Variants in EFCAB11 observed in about 807,000 individuals in gnomAD.
EFCAB11 encodes the protein EF-hand calcium-binding domain-containing protein 11.
EFCAB11 carries 14 observed loss-of-function variants against 23.0 expected under a neutral mutation model. The ratio of observed to expected loss-of-function variants is 0.61; its 90% CI spans 0.40 to 0.95. EFCAB11 has a LOEUF of 0.95. Among genes scored for constraint, EFCAB11 ranks in the 40% least tolerant of loss-of-function variants. The pLI is 0.00. For missense variants in EFCAB11, 198 were observed against 195.8 expected (o/e 1.01, Z -0.07); for synonymous variants, 65 against 66.6 (o/e 0.98, Z 0.11).
intron 3 of EFCAB11, among the ~76,000 whole-genome samples, chr14:89,933,259 T>C (rs1488736413): frequency 1.3e-5 from 2 of 152,260 alleles, no homozygotes; most frequent in South Asian, 2.1e-4. Flanking sequence ...TGAGATTGGA[T>C]ACTGTGCTTA....
intron 5 of EFCAB11, among the ~76,000 whole-genome samples, chr14:89,859,948 T>C (rs1471388671): frequency 6.6e-6 from 1 of 152,200 alleles, no homozygotes; most frequent in Non-Finnish European, 1.5e-5. Flanking sequence ...CTCACTTCAT[T>C]GCTGAGGAAC....
chr14:89,954,419 A>T (rs906903221), intron 1 of EFCAB11, 167 bp downstream of exon 1: 2 of 1,536,468 alleles, frequency 1.3e-6, no homozygotes, highest in African/African-American at 2.7e-5. Flanking sequence ...CTGGACGGGG[A>T]GCCAGGAGCC....
At chr14:89,841,401 C>G (rs1347555488) in intron 5 of EFCAB11, among the ~76,000 whole-genome samples, 1 of 151,646 alleles carries the variant, frequency 6.6e-6, no homozygotes, top group African/African-American at 2.4e-5. Flanking sequence ...TTCTCTCTCC[C>G]CTACTGCCTT....
At chr14:89,916,612 T>C (rs1046256234) in intron 5 of EFCAB11, among the ~76,000 whole-genome samples, 1 of 152,204 alleles carries the variant, frequency 6.6e-6, no homozygotes. Flanking sequence ...CATGTAAACT[T>C]TGATCAGATT....
At chr14:89,917,738 C>G (rs1426198647) in intron 5 of EFCAB11, among the ~76,000 whole-genome samples, 2 of 152,182 alleles carry the variant, frequency 1.3e-5, no homozygotes, top group African/African-American at 4.8e-5. Context: ...GGGCTTGGTT[C>G]TGTGACTTCT....
intron 5 of EFCAB11, among the ~76,000 whole-genome samples, chr14:89,916,692 CAG>C (rs1231825597): frequency 6.6e-6 from 1 of 152,182 alleles, no homozygotes; most frequent in Non-Finnish European, 1.5e-5. Context: ...CTCCTGCAAA[CAG>C]AGTTAAATTT....
At chr14:89,952,505 A>G in intron 2 of EFCAB11, 2 of 985,450 alleles carry the variant, frequency 2.0e-6, no homozygotes, top group Admixed American at 6.1e-5. Flanking sequence ...GCCATTTCTA[A>G]GAGTCAGCCC....
At chr14:89,836,875 C>T (rs773029254) in intron 5 of EFCAB11, 22 of 372,010 alleles carry the variant, frequency 5.9e-5, no homozygotes, top group Non-Finnish European at 9.4e-5. Context: ...AAAAATTAGG[C>T]GGCTGTGATG....
chr14:89,905,916 A>G (rs1362178351), intron 5 of EFCAB11, among the ~76,000 whole-genome samples: 3 of 152,178 alleles, frequency 2.0e-5, no homozygotes, highest in Admixed American at 6.6e-5. Context: ...ACAGAAAATC[A>G]TGATATCACT....
chr14:89,813,802 C>A (rs187167009), intron 5 of EFCAB11, among the ~76,000 whole-genome samples: 6 of 152,104 alleles, frequency 3.9e-5, no homozygotes, highest in Non-Finnish European at 8.8e-5. Flanking sequence ...CAAGGAAAAC[C>A]ATTTCACACT....
At chr14:89,828,488 C>T (rs1402948870) in intron 5 of EFCAB11, among the ~76,000 whole-genome samples, 4 of 152,032 alleles carry the variant, frequency 2.6e-5, no homozygotes, top group Admixed American at 2.0e-4. Flanking sequence ...AAACCAAGAC[C>T]CAAAGAGTTC....
intron 4 of EFCAB11, among the ~76,000 whole-genome samples, chr14:89,932,200 G>A (rs905863916): frequency 5.9e-5 from 9 of 152,066 alleles, no homozygotes; most frequent in Non-Finnish European, 1.2e-4. Context: ...AGCAAGAGTT[G>A]ATGAAGAAGC....
chr14:89,915,346 T>C (rs1263100099), intron 5 of EFCAB11, among the ~76,000 whole-genome samples: 1 of 152,232 alleles, frequency 6.6e-6, no homozygotes, highest in Non-Finnish European at 1.5e-5. Flanking sequence ...TTTGGGCATA[T>C]GTTTTCAGTA....
At chr14:89,886,510 T>C (rs1197332060) in intron 5 of EFCAB11, among the ~76,000 whole-genome samples, 1 of 75,406 alleles carries the variant, frequency 1.3e-5, no homozygotes. Context: ...AGAGCGAAAC[T>C]CCGTCTCAAA....
chr14:89,816,367 C>T (rs1348235489), intron 5 of EFCAB11, among the ~76,000 whole-genome samples: 1 of 151,890 alleles, frequency 6.6e-6, no homozygotes. Flanking sequence ...GACAAAGTAC[C>T]AACATTTCCT....
chr14:89,850,570 A>G (rs182966204), intron 5 of EFCAB11, among the ~76,000 whole-genome samples: 22 of 152,334 alleles, frequency 1.4e-4, no homozygotes, highest in Non-Finnish European at 1.5e-5. Context: ...TGGATGAACT[A>G]ATAGATGATT....
At chr14:89,811,570 A>G (rs1466527708) in intron 5 of EFCAB11, among the ~76,000 whole-genome samples, 1 of 152,162 alleles carries the variant, frequency 6.6e-6, no homozygotes, top group Non-Finnish European at 1.5e-5. Flanking sequence ...GGACTTTAAA[A>G]GCAGGAGAGG....
chr14:89,798,139 T>A (rs991031035), intron 5 of EFCAB11, among the ~76,000 whole-genome samples: 5 of 152,264 alleles, frequency 3.3e-5, no homozygotes, highest in African/African-American at 1.2e-4. Context: ...CACTAATCAC[T>A]GTAATAGTTT....
chr14:89,867,707 CAT>C (rs750099634), intron 5 of EFCAB11, among the ~76,000 whole-genome samples: 45 of 152,328 alleles, frequency 3.0e-4, no homozygotes, highest in African/African-American at 9.9e-4. Flanking sequence ...CAGTTATGCA[CAT>C]GTTAGTATGA....
Sources: allele counts gnomAD v4.1 joint callset (sites outside exome capture counted in the v4.1 genomes callset), GRCh38; gene constraint gnomAD v4.1.1; transcripts MANE v1.5; gene names NCBI Gene and HGNC (gene_info 2026-07-23, HGNC 2026-07-21).